Variants in CGNL1 observed in about 807,000 individuals in gnomAD.
The protein encoded by CGNL1 is cingulin-like protein 1.
CGNL1 carries 132 observed loss-of-function variants against 141.2 expected under a neutral mutation model. That is an observed-to-expected ratio of 0.93 (90% CI 0.81 to 1.08). The LOEUF (loss-of-function observed/expected upper bound fraction) is 1.08. CGNL1 is among the 50% of genes least tolerant of loss of function. CGNL1 has a pLI of 0.00. For missense variants in CGNL1, 1,870 were observed against 1,588.6 expected (o/e 1.18, Z -3.01); for synonymous variants, 690 against 622.1 (o/e 1.11, Z -1.63).
intron 8 of CGNL1, among the ~76,000 whole-genome samples, chr15:57,468,364 C>A (rs1006876446): frequency 2.0e-5 from 3 of 151,012 alleles, no homozygotes; most frequent in Non-Finnish European, 2.9e-5. Context: ...CCTCAGCCTC[C>A]CAAGGAACTA....
intron 8 of CGNL1, among the ~76,000 whole-genome samples, chr15:57,500,411 G>T (rs115014800): frequency 1.3e-5 from 2 of 152,160 alleles, no homozygotes; most frequent in African/African-American, 4.8e-5. Context: ...TCAACTTCCC[G>T]CCACGGCTGA....
chr15:57,505,643 A>G (rs1595775503), intron 8 of CGNL1, among the ~76,000 whole-genome samples: 1 of 152,170 alleles, frequency 6.6e-6, no homozygotes, highest in Non-Finnish European at 1.5e-5. Flanking sequence ...AAACGCTTGT[A>G]GCAGTCTTGG....
intron 1 of CGNL1, among the ~76,000 whole-genome samples, chr15:57,400,035 C>G (rs2062642379): frequency 6.8e-6 from 1 of 147,280 alleles, no homozygotes; most frequent in South Asian, 2.1e-4. Flanking sequence ...ACTGTGTCAC[C>G]AAAGTGGTGG....
chr15:57,412,984 C>T (rs2062807132), intron 1 of CGNL1, among the ~76,000 whole-genome samples: 1 of 152,110 alleles, frequency 6.6e-6, no homozygotes, highest in Non-Finnish European at 1.5e-5. Context: ...CCTCAGCCTC[C>T]TGAGTAGCTG....
chr15:57,547,216 A>G, intron 18 of CGNL1, 139 bp from the exon 19 acceptor site: 2 of 924,150 alleles, frequency 2.2e-6, no homozygotes, highest in Non-Finnish European at 3.3e-6. Flanking sequence ...TCAGGTGGAG[A>G]CCTGTTACAT....
intron 8 of CGNL1, among the ~76,000 whole-genome samples, chr15:57,504,748 C>T (rs917515154): frequency 6.6e-6 from 1 of 152,184 alleles, no homozygotes; most frequent in Non-Finnish European, 1.5e-5. Flanking sequence ...TCACCTGCCA[C>T]TTCTTGCATT....
intron 1 of CGNL1, among the ~76,000 whole-genome samples, chr15:57,417,976 G>C (rs770099947): frequency 6.6e-6 from 1 of 152,130 alleles, no homozygotes; most frequent in Non-Finnish European, 1.5e-5. Context: ...CTTTGCATAC[G>C]AACAGGGGTG....
chr15:57,484,077 G>A (rs2063758884), intron 8 of CGNL1, among the ~76,000 whole-genome samples: 1 of 151,878 alleles, frequency 6.6e-6, no homozygotes. Flanking sequence ...CTTTCTTTTA[G>A]GATACTATTT....
In CGNL1 at chr15:57,516,847, T is replaced by C; in HGVS notation, c.2471T>C (p.Val824Ala). The C allele has an allele frequency of 1.2e-6, 2 of 1,614,104 alleles. No individual in the cohort carries two copies. Among genetic ancestry groups the C allele is most frequent in the African/African-American group, 2.7e-5 (2 of 75,030 alleles). The change falls in exon 9 of 19, where the codon GTG (valine) becomes GCG (alanine). Residue 824 changes from valine to alanine, a missense_variant. Coordinates refer to ENST00000281282, the MANE Select transcript of CGNL1 (RefSeq NM_032866.5). ...GACCAGGCGGGGACTGAAATGCGCG[T>C]GAAGCTTCTGCAGGAGGAGAATGAG... The part of the protein sequence containing the change: ...EQDQAGTEMR[V>A]KLLQEENEKL...
chr15:57,539,568 T>C (rs189749905), intron 14 of CGNL1, among the ~76,000 whole-genome samples: 1 of 152,316 alleles, frequency 6.6e-6, no homozygotes, highest in East Asian at 1.9e-4. Flanking sequence ...AGAGGAGAAG[T>C]GTGGTGTCTA....
intron 7 of CGNL1, among the ~76,000 whole-genome samples, chr15:57,455,540 T>G (rs2063369155): frequency 6.6e-6 from 1 of 152,186 alleles, no homozygotes; most frequent in African/African-American, 2.4e-5. Flanking sequence ...TTGCACATAT[T>G]TTGTATCTTT....
At chr15:57,473,899 CTT>C (rs59761174) in intron 8 of CGNL1, among the ~76,000 whole-genome samples, 137 of 70,544 alleles carry the variant, frequency 1.9e-3, no homozygotes, top group African/African-American at 6.1e-3. Context: ...TCTTCTTCTT[CTT>C]TTTTTTTTTT....
At chr15:57,393,835 C>G (rs560181543) in intron 1 of CGNL1, 3 of 152,024 alleles carry the variant, frequency 2.0e-5, no homozygotes, top group African/African-American at 7.2e-5. Context: ...AATTCTGCAT[C>G]TGCATCAGAA....
At chr15:57,453,646 C>T (rs1484780465) in intron 6 of CGNL1, 37 bp from the exon 7 acceptor site, 1 of 1,610,888 alleles carries the variant, frequency 6.2e-7, no homozygotes, top group Non-Finnish European at 8.5e-7. Flanking sequence ...AAGCAGAGCC[C>T]AGAAGAGCCT....
At chr15:57,481,063 GGT>G (rs1491378074) in intron 8 of CGNL1, among the ~76,000 whole-genome samples, 20 of 105,102 alleles carry the variant, frequency 1.9e-4, no homozygotes, top group African/African-American at 6.5e-4. Flanking sequence ...AAAGACCTGG[GGT>G]TTTTTTTTTT....
chr15:57,461,938 G>A, intron 8 of CGNL1, 46 bp downstream of exon 8: 1 of 1,453,642 alleles, frequency 6.9e-7, no homozygotes, highest in South Asian at 1.1e-5. Context: ...AGATGAAAGG[G>A]TAAGACCCTC....
intron 1 of CGNL1, among the ~76,000 whole-genome samples, chr15:57,410,535 C>T (rs111924701): frequency 4.6e-5 from 7 of 152,232 alleles, no homozygotes; most frequent in Middle Eastern, 3.4e-3. Flanking sequence ...TTTCCCATCA[C>T]CACCTCTCTC....
At chr15:57,473,123 G>C (rs941414867) in intron 8 of CGNL1, among the ~76,000 whole-genome samples, 2 of 152,146 alleles carry the variant, frequency 1.3e-5, no homozygotes, top group Non-Finnish European at 2.9e-5. Flanking sequence ...GTGGTGCAGT[G>C]AGTGGGGCTA....
Position 57,439,261 on chromosome 15 carries a change from C to A in CGNL1, c.1262C>A (p.Pro421His). ...AAGTCAAGCGAACACCTCCTCCGGCCTTCCCAGGTGTGCCCGCAGCGGCCA... is the reference window on the plus strand; with the variant it reads ...AAGTCAAGCGAACACCTCCTCCGGCATTCCCAGGTGTGCCCGCAGCGGCCA... The part of the protein sequence containing the change: ...LGKSSEHLLR[P>H]SQVCPQRPLS... The change falls in exon 2 of 19, where the codon CCT becomes CAT. Residue 421 changes from proline to histidine, a missense_variant. Transcript: ENST00000281282. 1 of 1,614,084 alleles carries A rather than the reference C, an allele frequency of 6.2e-7. No homozygotes were observed. Among genetic ancestry groups the A allele is most frequent in the South Asian group, 1.1e-5 (1 of 91,082 alleles).
Sources: gnomAD v4.1 joint callset for allele counts (sites outside exome capture counted in the v4.1 genomes callset) on GRCh38, gnomAD v4.1.1 for gene constraint, MANE v1.5 for transcripts, NCBI Gene and HGNC (gene_info 2026-07-23, HGNC 2026-07-21) for gene names.